The following ATP6V0A4 variants were observed in gnomAD, a reference collection of about 807,000 sequenced individuals.
ATP6V0A4 encodes the protein V-type proton ATPase 116 kDa subunit a 4.
A neutral mutation model predicts 107.3 loss-of-function variants in ATP6V0A4; 86 were observed. That is an observed-to-expected ratio of 0.80 (90% CI 0.67 to 0.96). ATP6V0A4 has a LOEUF of 0.96. ATP6V0A4 is among the 40% of genes least tolerant of loss of function. ATP6V0A4 has a pLI of 0.00. For missense variants in ATP6V0A4, 908 were observed against 1,045.6 expected, an observed-to-expected ratio of 0.87 and a Z score of 1.81; for synonymous variants, 353 against 381.4, an observed-to-expected ratio of 0.93 and a Z score of 0.87.
At chr7:138,748,690 G>A (rs2117280880) in intron 12 of ATP6V0A4, among the ~76,000 whole-genome samples, 1 of 152,274 alleles carries the variant, frequency 6.6e-6, no homozygotes, top group African/African-American at 2.4e-5. Context: ...ACAGGCGTGA[G>A]CCACCAAACC....
intron 14 of ATP6V0A4, among the ~76,000 whole-genome samples, chr7:138,744,535 G>A (rs1043181383): frequency 2.0e-5 from 3 of 149,524 alleles, no homozygotes; most frequent in South Asian, 2.1e-4. Flanking sequence ...ACCGTGCCCA[G>A]CCTCTCATTT....
chr7:138,775,010 AGGGGTGCGGGGCTGCAACAGCCACCTGC>A (rs1807594553), intron 2 of ATP6V0A4, among the ~76,000 whole-genome samples: 2 of 152,038 alleles, frequency 1.3e-5, no homozygotes, highest in Non-Finnish European at 2.9e-5. Context: ...TCTCTTGCCC[AGGGGTGCGGGGCTGCAACAGCCACCTGC>A]GTTTGTTTGA....
At chr7:138,782,543 A>T (rs1391840771) in intron 2 of ATP6V0A4, among the ~76,000 whole-genome samples, 1 of 152,216 alleles carries the variant, frequency 6.6e-6, no homozygotes, top group Non-Finnish European at 1.5e-5. Context: ...GAATACAGAG[A>T]AATTCCAGGA....
In ATP6V0A4 at chr7:138,769,160, AAAATTGGCTTACGGAG is replaced by A; in HGVS notation, c.193_196+12del. 6.2e-7 allele frequency: 1 copy of A among 1,607,736 alleles called. No individual in the cohort carries two copies. Among genetic ancestry groups the A allele is most frequent in the Non-Finnish European group, 8.5e-7 (1 of 1,179,682 alleles). ...TTTGAACAGTAAGAAAAAAAAAAAA[AAAATTGGCTTACGGAG>A]GATTCTCTCCAGTGATTCACACCTT... On this transcript the variant is annotated splice_donor_variant and splice_donor_5th_base_variant and coding_sequence_variant and intron_variant, in exon 4 of 22. Transcript: ENST00000310018. LOFTEE classifies it high-confidence loss of function.
At chr7:138,763,062 A>G in intron 5 of ATP6V0A4, 37 bp from the exon 6 acceptor site, 1 of 1,612,548 alleles carries the variant, frequency 6.2e-7, no homozygotes, top group Non-Finnish European at 8.5e-7. Flanking sequence ...GCCAACAGAA[A>G]GTGCTATGAC....
chr7:138,731,571 G>T (rs1391663704), intron 17 of ATP6V0A4, among the ~76,000 whole-genome samples: 2 of 152,078 alleles, frequency 1.3e-5, no homozygotes, highest in Non-Finnish European at 2.9e-5. Context: ...TTTATATCCA[G>T]CCCCAATAGG....
intron 2 of ATP6V0A4, among the ~76,000 whole-genome samples, chr7:138,782,721 A>C (rs1417212512): frequency 6.6e-6 from 1 of 152,152 alleles, no homozygotes; most frequent in East Asian, 1.9e-4. Flanking sequence ...ACTTCAATGG[A>C]GTGAAATGGG....
At chr7:138,708,011 G>C (rs964285398) in intron 21 of ATP6V0A4, among the ~76,000 whole-genome samples, 2 of 146,310 alleles carry the variant, frequency 1.4e-5, no homozygotes, top group Non-Finnish European at 1.5e-5. Context: ...GATGATTTAT[G>C]TTTTATTTTA....
chr7:138,762,241 G>T, intron 7 of ATP6V0A4, 99 bp downstream of exon 7: 1 of 1,434,748 alleles, frequency 7.0e-7, no homozygotes, highest in Non-Finnish European at 9.8e-7. Context: ...ATGGGAAACA[G>T]TCCCCATTCC....
At position 138,746,505 on chromosome 7, in the gene ATP6V0A4, A is replaced by T. The variant is rs549585803; in HGVS notation, c.1320+920T>A. 1.1e-3 allele frequency among the ~76,000 whole-genome samples: 161 copies of T among 148,330 alleles called. 2 individuals carry two copies. The highest frequency in any genetic ancestry group is 4.0e-3 in the African/African-American group (157 of 39,380). On this transcript the variant is annotated intron_variant, in intron 13 of 21. Transcript: ENST00000310018. ...TTCAACCTGTAATAAAACATTGCAGATATTTTTTTTTTTTTTAAGATGGAG... is the reference window on the plus strand; with the variant it reads ...TTCAACCTGTAATAAAACATTGCAGTTATTTTTTTTTTTTTTAAGATGGAG...
In ATP6V0A4 at chr7:138,749,204, A is replaced by G; in HGVS notation, c.1143T>C (p.Asp381=). 1 of 1,614,104 alleles carries G rather than the reference A, an allele frequency of 6.2e-7. No individual in the cohort carries two copies. Among genetic ancestry groups the G allele is most frequent in the Non-Finnish European group, 8.5e-7 (1 of 1,180,016 alleles). The change falls in exon 12 of 22, where the codon GAT becomes GAC. Residue 381 remains aspartate, a synonymous_variant. Transcript: ENST00000310018. ...CCCGGTAGCTGCCGACACCATAGGC[A>G]TCAACAATATTCTGGAAGCCAGCTG... The part of the protein sequence containing the change: ...KFTAGFQNIV[D]AYGVGSYREI...
chr7:138,720,333 G>T (rs1804367966), intron 19 of ATP6V0A4, among the ~76,000 whole-genome samples: 1 of 152,148 alleles, frequency 6.6e-6, no homozygotes, highest in African/African-American at 2.4e-5. Context: ...TTAGACCTGG[G>T]GGAAAGAGGT....
rs183163458 is a variant in ATP6V0A4, at chr7:138,725,329, T to C, written c.2011-3304A>G. 2.8e-3 allele frequency among the ~76,000 whole-genome samples: 428 copies of C among 152,282 alleles called. 3 individuals are homozygous for C. The highest frequency in any genetic ancestry group is 9.8e-3 in the African/African-American group (406 of 41,564). ...GCCAAAAGATATATACAAGGATGTT[T>C]ATAGTATCACCATTTGTAATTACTA... On this transcript the variant is annotated intron_variant, in intron 18 of 21. Transcript: ENST00000310018.
chr7:138,709,617 T>C lies in ATP6V0A4; in HGVS notation c.2429+7A>G. ...ACATTGAGCTTCCAGGGGACAACCA[T>C]CCTTACCAGTGCAGTCGCAGGGCGT... On this transcript the variant is annotated splice_region_variant and intron_variant, in intron 21 of 21. Coordinates refer to ENST00000310018, the MANE Select transcript of ATP6V0A4 (RefSeq NM_020632.3). 6.2e-7 allele frequency: 1 copy of C among 1,611,830 alleles called. No homozygotes were observed. Among genetic ancestry groups the C allele is most frequent in the Non-Finnish European group, 8.5e-7 (1 of 1,178,728 alleles).
chr7:138,741,048 G>A (rs1228339350), intron 14 of ATP6V0A4, among the ~76,000 whole-genome samples: 3 of 152,078 alleles, frequency 2.0e-5, no homozygotes, highest in African/African-American at 7.2e-5. Flanking sequence ...GGAGGCTGTG[G>A]CAGAAGAATT....
chr7:138,776,537 G>C (rs1807665643), intron 2 of ATP6V0A4, among the ~76,000 whole-genome samples: 1 of 152,176 alleles, frequency 6.6e-6, no homozygotes, highest in Admixed American at 6.5e-5. Context: ...AGGAGCCCTG[G>C]CCTCAATTCG....
At chr7:138,745,669 A>AAAAAAAAAAAAAAAAAAAAAAC in intron 13 of ATP6V0A4, among the ~76,000 whole-genome samples, 1 of 141,320 alleles carries the variant, frequency 7.1e-6, no homozygotes, top group Non-Finnish European at 1.5e-5. Flanking sequence ...AAAAAAAAAA[A>AAAAAAAAAAAAAAAAAAAAAAC]AAGGCCGGGT....
At chr7:138,737,530 G>A (rs1012028213) in intron 15 of ATP6V0A4, among the ~76,000 whole-genome samples, 2 of 151,572 alleles carry the variant, frequency 1.3e-5, no homozygotes, top group South Asian at 2.1e-4. Flanking sequence ...TGAGGAACAG[G>A]ACTGCAGGAA....
intron 14 of ATP6V0A4, 113 bp from the exon 15 acceptor site, chr7:138,739,746 A>T: frequency 6.5e-7 from 1 of 1,534,076 alleles, no homozygotes; most frequent in Non-Finnish European, 8.8e-7. Context: ...GGTGCAATTC[A>T]TCACTTTGGT....
Sources: gnomAD v4.1 joint callset for allele counts (sites outside exome capture counted in the v4.1 genomes callset) on GRCh38, gnomAD v4.1.1 for gene constraint, MANE v1.5 for transcripts, NCBI Gene and HGNC (gene_info 2026-07-23, HGNC 2026-07-21) for gene names.